HTD2: variants seen among roughly 807,000 people sequenced by gnomAD.
HTD2 encodes hydroxyacyl-thioester dehydratase type 2.
Under a neutral mutation model 3.1 loss-of-function variants are expected in HTD2, and 1 was observed. That is an observed-to-expected ratio of 0.32 (90% CI 0.11 to 1.52). HTD2 has a LOEUF of 1.52. Ranked by LOEUF, HTD2 falls within the 40% of genes most tolerant of loss-of-function variation. HTD2 has a pLI of 0.39. For missense variants in HTD2, 150 were observed against 79.6 expected (o/e 1.88, Z -3.36); for synonymous variants, 50 against 28.9 (o/e 1.73, Z -2.34).
rs748961450 is a variant in HTD2 at position 58,310,521 on chromosome 3, G to T, written c.-401G>T. 1.2e-6 allele frequency: 2 copies of T among 1,608,860 alleles called. No homozygotes were observed. Among genetic ancestry groups the T allele is most frequent in the South Asian group, 2.2e-5 (2 of 90,156 alleles). On this transcript the variant is annotated 5_prime_UTR_variant, in exon 2 of 5. Coordinates refer to ENST00000461393, the MANE Select transcript of HTD2 (RefSeq NM_001348712.2). ...ACTTTTTTTAGAGAATTTCAAGATTGTGGAGTTGGACTGAATGCTGCACAG... is the reference window on the plus strand; with the variant it reads ...ACTTTTTTTAGAGAATTTCAAGATTTTGGAGTTGGACTGAATGCTGCACAG...
rs1559796362 is a variant in HTD2 at position 58,317,536 on chromosome 3, A to G, written c.-78A>G. 5 of 1,387,212 alleles carry G rather than the reference A, an allele frequency of 3.6e-6. No homozygotes were observed. The highest frequency in any genetic ancestry group is 2.3e-5 in the East Asian group (1 of 43,828). The allele number at this position is 1,387,212 out of a possible 1,614,324, so 85.9% of individuals were successfully genotyped here. ...ATTTTGGAAACGTTCATCCACTCTC[A>G]TATTTATTTTTTGGTGCCTGCATGT... On this transcript the variant is annotated 5_prime_UTR_variant, in exon 5 of 5. Transcript: ENST00000461393.
rs367585259 is a variant in HTD2 at position 58,310,567 on chromosome 3, G to A, written c.-355G>A. On this transcript the variant is annotated 5_prime_UTR_variant, in exon 2 of 5. Transcript: ENST00000461393. ...CACAGTTCAAACAGCTGCTTATTTC[G>A]GCTGTGAAGGACCTGTTTGGGGAGG... is the stretch of plus-strand genomic sequence containing the variant. 41 of 1,612,202 alleles carry A rather than the reference G, an allele frequency of 2.5e-5. No individual in the cohort carries two copies. Among genetic ancestry groups the A allele is most frequent in the African/African-American group, 1.7e-4 (13 of 74,466 alleles).
intron 2 of HTD2, 64 bp downstream of exon 2, chr3:58,310,655 G>A (rs933292525): frequency 2.9e-5 from 41 of 1,414,736 alleles, no homozygotes; most frequent in East Asian, 1.1e-4. Flanking sequence ...GAAAGAGGCC[G>A]GGCGCGGTAG....
At position 58,318,043 on chromosome 3, in the gene HTD2, T is replaced by C; in HGVS notation, c.430T>C (p.Cys144Arg). 2.9e-6 allele frequency: 2 copies of C among 699,600 alleles called. No homozygotes were observed. Among genetic ancestry groups the C allele is most frequent in the Non-Finnish European group, 5.2e-6 (2 of 384,214 alleles). 43.3% of individuals were successfully genotyped at this position (699,600 alleles called of 1,614,324 possible). A position where few individuals can be genotyped will look rare whatever the true frequency, so the allele number is the denominator to read the frequency against. Residue 144 changes from cysteine to arginine, a missense_variant, in exon 5 of 5, where the codon TGT becomes CGT. By Grantham distance (180) the Cys-to-Arg change is radical. Transcript: ENST00000461393. ...KRFIAIIAVS[C>R]SVIESKKTVM... is the part of the protein sequence containing the mutation. ...GTTCATTGCTATTATTGCAGTGTCA[T>C]GTTCTGTAATAGAAAGTAAAAAGAC...
chr3:58,314,485 A>T (rs974759089), intron 2 of HTD2, among the ~76,000 whole-genome samples: 2 of 152,202 alleles, frequency 1.3e-5, no homozygotes, highest in African/African-American at 4.8e-5. Flanking sequence ...ACATGGAAAG[A>T]TGTTTAACAT....
In HTD2 at chr3:58,317,956, C is replaced by T; in HGVS notation, c.343C>T (p.Pro115Ser). ...ATTTCTTTCCCAGGAAATTAGCTTTCCAGCCCCTTTATATATTGGAGAAGT... is the reference window on the plus strand; with the variant it reads ...ATTTCTTTCCCAGGAAATTAGCTTTTCAGCCCCTTTATATATTGGAGAAGT... The part of the protein sequence containing the change: ...CVFLSQEISF[P>S]APLYIGEVVL... The change falls in exon 5 of 5, where the codon CCA (proline) becomes TCA (serine). Residue 115 changes from proline (P) to serine (S), a missense_variant. Coordinates refer to ENST00000461393, the MANE Select transcript of HTD2 (RefSeq NM_001348712.2). 1.4e-6 allele frequency: 1 copy of T among 702,962 alleles called. No homozygotes were observed. Among genetic ancestry groups the T allele is most frequent in the Non-Finnish European group, 2.6e-6 (1 of 384,990 alleles). 43.5% of individuals were successfully genotyped at this position (702,962 alleles called of 1,614,324 possible).
In HTD2 at chr3:58,318,251, A is replaced by G; in HGVS notation, c.*131A>G. The stretch of plus-strand genomic sequence containing the variant: ...ATCTTAGTTAGGGGAAGGGAGCAGG[A>G]AGAGGGTTGTTCAAATGCCCACTTT... On this transcript the variant is annotated 3_prime_UTR_variant, in exon 5 of 5. Coordinates refer to ENST00000461393, the MANE Select transcript of HTD2 (RefSeq NM_001348712.2). The G allele has an allele frequency of 7.0e-6, 4 of 572,350 alleles. No homozygotes were observed. The allele number at this position is 572,350 out of a possible 1,614,324, so 35.5% of individuals were successfully genotyped here.
At position 58,316,930 on chromosome 3, in the gene HTD2, G is replaced by T. The variant is rs148504586; in HGVS notation, c.-238G>T. 46 of 1,613,786 alleles carry T rather than the reference G, an allele frequency of 2.9e-5. No homozygotes were observed. In the African/African-American group the frequency reaches 5.1e-4, roughly 18 times the overall value. On this transcript the variant is annotated 5_prime_UTR_variant, in exon 4 of 5. Transcript: ENST00000461393. ...CTTTCTGCAGTGGTCTTGTCAAATT[G>T]TGGAGCTCTTTGACCCTGTTAGGAT... is the stretch of plus-strand genomic sequence containing the variant.
intron 2 of HTD2, among the ~76,000 whole-genome samples, chr3:58,316,106 GCAAA>G (rs1055783992): frequency 8.5e-5 from 13 of 152,222 alleles, no homozygotes; most frequent in African/African-American, 2.4e-4. Flanking sequence ...TTATATAGCT[GCAAA>G]CAAACAGACA....
chr3:58,318,153 C>A lies in HTD2; in HGVS notation c.*33C>A. The A allele has an allele frequency of 1.6e-6, 1 of 616,652 alleles. No individual in the cohort carries two copies. The highest frequency in any genetic ancestry group is 2.9e-6 in the Non-Finnish European group (1 of 348,286). 38.2% of individuals were successfully genotyped at this position (616,652 alleles called of 1,614,324 possible). A position where few individuals can be genotyped will look rare whatever the true frequency, so the allele number is the denominator to read the frequency against. Reference sequence around the variant, plus strand: ...GTTTTAAAGATGCAACCTCAAACACCAATGCTGTTGTTAAAGAGCCTATGG... The same window carrying A: ...GTTTTAAAGATGCAACCTCAAACACAAATGCTGTTGTTAAAGAGCCTATGG... On this transcript the variant is annotated 3_prime_UTR_variant, in exon 5 of 5. Transcript: ENST00000461393.
At chr3:58,310,212 A>C (rs1386300853) in intron 1 of HTD2, 1 of 891,204 alleles carries the variant, frequency 1.1e-6, no homozygotes, top group Middle Eastern at 2.3e-4. Flanking sequence ...GCCTTAAAAC[A>C]AACAAACAAA....
intron 2 of HTD2, among the ~76,000 whole-genome samples, 193 bp downstream of exon 2, chr3:58,310,784 G>A (rs2097481336): frequency 6.6e-6 from 1 of 152,010 alleles, no homozygotes; most frequent in South Asian, 2.1e-4. Flanking sequence ...GCAAAGATAA[G>A]CTGGGTGTGG....
intron 2 of HTD2, among the ~76,000 whole-genome samples, chr3:58,316,233 A>G (rs1207572535): frequency 1.3e-5 from 2 of 152,226 alleles, no homozygotes; most frequent in Non-Finnish European, 1.5e-5. Flanking sequence ...GTCCTGTACA[A>G]GAAAGAACAT....
At chr3:58,312,086 T>C (rs1370478992) in intron 2 of HTD2, among the ~76,000 whole-genome samples, 3 of 151,786 alleles carry the variant, frequency 2.0e-5, no homozygotes, top group Non-Finnish European at 2.9e-5. Flanking sequence ...GCTCCTGGAC[T>C]CAAGCAATCC....
At chr3:58,317,107 T>A in intron 4 of HTD2, 114 bp downstream of exon 4, 1 of 749,274 alleles carries the variant, frequency 1.3e-6, no homozygotes, top group Non-Finnish European at 2.2e-6. Flanking sequence ...TAAAATGATC[T>A]AAGTAGGGGA....
At chr3:58,311,228 C>A (rs1236472952) in intron 2 of HTD2, among the ~76,000 whole-genome samples, 1 of 152,110 alleles carries the variant, frequency 6.6e-6, no homozygotes, top group Non-Finnish European at 1.5e-5. Flanking sequence ...ATTCTTGGCT[C>A]ACTGCAGCCT....
At chr3:58,314,918 C>T (rs934164998) in intron 2 of HTD2, among the ~76,000 whole-genome samples, 2 of 152,044 alleles carry the variant, frequency 1.3e-5, no homozygotes, top group Admixed American at 6.6e-5. Flanking sequence ...ATCTCTTGAC[C>T]TTGTGATCCG....
chr3:58,310,109 A>C (rs2097480479), intron 1 of HTD2: 2 of 547,006 alleles, frequency 3.7e-6, no homozygotes, highest in Admixed American at 3.2e-5. Flanking sequence ...CTGAGGCAGG[A>C]GGATCACCTG....
At chr3:58,314,991 A>G (rs1436002231) in intron 2 of HTD2, among the ~76,000 whole-genome samples, 1 of 151,994 alleles carries the variant, frequency 6.6e-6, no homozygotes, top group Non-Finnish European at 1.5e-5. Context: ...GGCCAGCAGT[A>G]TCTTTAACAA....
Sources: gnomAD v4.1 joint callset for allele counts (sites outside exome capture counted in the v4.1 genomes callset) on GRCh38, gnomAD v4.1.1 for gene constraint, MANE v1.5 for transcripts, NCBI Gene and HGNC (gene_info 2026-07-23, HGNC 2026-07-21) for gene names.